CAMTA2: variants seen among roughly 807,000 people sequenced by gnomAD.
CAMTA2 encodes calmodulin binding transcription activator 2.
In CAMTA2, 56 loss-of-function variants were observed where a neutral mutation model predicts 135.7. The ratio of observed to expected loss-of-function variants is 0.41; its 90% confidence interval spans 0.33 to 0.52. The LOEUF is 0.52. Ranked by LOEUF, CAMTA2 falls within the 20% of genes least tolerant of loss-of-function variation. The pLI is 0.16. For missense variants in CAMTA2, 1,358 were observed against 1,553.4 expected (o/e 0.87, Z 2.11); for synonymous variants, 591 against 604.6 (o/e 0.98, Z 0.33).
At position 4,972,421 on chromosome 17, in the gene CAMTA2, C is replaced by T. The variant is rs986659498; in HGVS notation, c.2619G>A (p.Glu873=). The T allele has an allele frequency of 3.7e-6, 6 of 1,613,998 alleles. No homozygotes were observed. The highest frequency in any genetic ancestry group is 2.2e-5 in the East Asian group (1 of 44,884). ...SPPPAPLPAS[E]MTMEDMAPGQ... is the part of the protein sequence containing the mutation. ...CTGGGGCCATGTCCTCCATAGTCAT[C>T]TCAGAGGCTGGCAGAGGTGCAGGGG... is the stretch of plus-strand genomic sequence containing the variant. The change falls in exon 16 of 23, where the codon GAG becomes GAA. Residue 873 remains glutamate (E), a synonymous_variant. Coordinates refer to ENST00000348066, the MANE Select transcript of CAMTA2 (RefSeq NM_015099.4).
At position 4,980,930 on chromosome 17, in the gene CAMTA2, G is replaced by A. The variant is rs1482452162; in HGVS notation, c.700+295C>T. ...AGGACAAAAGAACAGAACCAAGGGG[G>A]TGCCAACTAGGAGGAAGGCTAAGGC... On this transcript the variant is annotated intron_variant, in intron 8 of 22. Coordinates refer to ENST00000348066, the MANE Select transcript of CAMTA2 (RefSeq NM_015099.4). This position sits in a 1 kb window ranked among gnomAD's most constrained non-coding sequence, Gnocchi z 5.3. Among the ~76,000 whole-genome samples the A allele has an allele frequency of 2.0e-5, 3 of 152,174 alleles. No individual in the cohort carries two copies. The highest frequency in any genetic ancestry group is 7.2e-5 in the African/African-American group (3 of 41,424).
rs769973720 is a variant in CAMTA2 at position 4,986,269 on chromosome 17, G to A, written c.-47C>T. On this transcript the variant is annotated 5_prime_UTR_variant, in exon 2 of 23. Coordinates refer to ENST00000348066, the MANE Select transcript of CAMTA2 (RefSeq NM_015099.4). The stretch of plus-strand genomic sequence containing the variant: ...GGTCACCCCCGGCCTGAGGGGCCGG[G>A]GGGAGGGGGAGTCTGTGCTGGGAAG... The A allele has an allele frequency of 2.7e-6, 4 of 1,478,946 alleles. No individual in the cohort carries two copies. Among genetic ancestry groups the A allele is most frequent in the African/African-American group, 1.4e-5 (1 of 71,308 alleles). The allele number at this position is 1,478,946 out of a possible 1,614,324, so 91.6% of individuals were successfully genotyped here.
rs370748581 is a variant in CAMTA2 at position 4,973,170 on chromosome 17, C to A, written c.2280+5G>T. The A allele has an allele frequency of 6.2e-7, 1 of 1,612,756 alleles. No individual in the cohort carries two copies. The highest frequency in any genetic ancestry group is 1.3e-5 in the African/African-American group (1 of 74,616). On this transcript the variant is annotated splice_donor_5th_base_variant and intron_variant, in intron 14 of 22. Coordinates refer to ENST00000348066, the MANE Select transcript of CAMTA2 (RefSeq NM_015099.4). ...CATATGCGCTCAGGAATCCGTCATC[C>A]TCACCAGAGGGGTGCAAGAGAAATG... is the stretch of plus-strand genomic sequence containing the variant.
intron 16 of CAMTA2, 32 bp from the exon 17 acceptor site, chr17:4,970,568 A>T (rs745939030): frequency 6.3e-7 from 1 of 1,588,898 alleles, no homozygotes; most frequent in East Asian, 2.2e-5. Flanking sequence ...GTGAGTCCTT[A>T]GGGGCCCCAG....
rs200135418 is a variant in CAMTA2 at position 4,973,201 on chromosome 17, C to A, written c.2254G>T (p.Val752Leu). The change falls in exon 14 of 23, where the codon GTG becomes TTG. Residue 752 changes from valine to leucine, a missense_variant. This residue lies in a region of CAMTA2 where 1,077 missense variants were observed against 1,127.5 expected (regional missense o/e 0.96). Transcript: ENST00000348066. ...DLEQEVDPLN[V>L]DHFSCTPLMW... is the part of the protein sequence containing the mutation. ...AGAGGGGTGCAAGAGAAATGATCCA[C>A]GTTGAGCGGGTCAACCTCCTGCTCT... The A allele has an allele frequency of 6.2e-7, 1 of 1,614,144 alleles. No homozygotes were observed. Among genetic ancestry groups the A allele is most frequent in the South Asian group, 1.1e-5 (1 of 91,084 alleles).
intron 1 of CAMTA2, 95 bp from the exon 2 acceptor site, chr17:4,986,381 G>C (rs1447600860): frequency 1.6e-6 from 1 of 614,900 alleles, no homozygotes; most frequent in Non-Finnish European, 2.9e-6. Flanking sequence ...CTGGGTCATA[G>C]TATCTGGGAA....
intron 5 of CAMTA2, 198 bp from the exon 6 acceptor site, chr17:4,982,358 A>C (rs1973009248): frequency 1.7e-6 from 1 of 600,882 alleles, no homozygotes; most frequent in African/African-American, 1.9e-5. Flanking sequence ...CTGGGGCCTT[A>C]TAGTGAGGAC....
Position 4,979,915 on chromosome 17 carries a change from G to A in CAMTA2, c.1407C>T (p.Pro469=). Residue 469 remains proline (P), a synonymous_variant, in exon 9 of 23, where the codon CCC becomes CCT. Transcript: ENST00000348066. The stretch of plus-strand genomic sequence containing the variant: ...GCTCCAAGGGGGCAGGTGAGGGTGG[G>A]GGTGAGGGAGGGGGTGAAGGTATGG... The part of the protein sequence containing the change: ...APPIPSPPPS[P]PPSPAPLEPS... The A allele has an allele frequency of 6.2e-7, 1 of 1,612,068 alleles. No homozygotes were observed. The highest frequency in any genetic ancestry group is 1.1e-5 in the South Asian group (1 of 91,046).
chr17:4,987,551 G>A, intron 1 of CAMTA2, 42 bp downstream of exon 1: 1 of 1,502,938 alleles, frequency 6.7e-7, no homozygotes, highest in Non-Finnish European at 8.8e-7. Flanking sequence ...TGCGCCCTCT[G>A]GCGCGGGGGC....
At chr17:4,984,259 G>A (rs998185080) in intron 3 of CAMTA2, among the ~76,000 whole-genome samples, 1 of 152,208 alleles carries the variant, frequency 6.6e-6, no homozygotes, top group Non-Finnish European at 1.5e-5. Flanking sequence ...AGGAGTTTCA[G>A]ATTCTTTAGC....
At position 4,978,871 on chromosome 17, in the gene CAMTA2, C is replaced by A. The variant is rs545080832; in HGVS notation, c.1639-241G>T. Among the ~76,000 whole-genome samples the A allele has an allele frequency of 5.3e-5, 8 of 152,272 alleles. No individual in the cohort carries two copies. In the South Asian group the frequency reaches 1.0e-3, roughly 20 times the overall value. On this transcript the variant is annotated intron_variant, in intron 9 of 22. Coordinates refer to ENST00000348066, the MANE Select transcript of CAMTA2 (RefSeq NM_015099.4). ...GCCAGTAGCTGGGAATTCAGGGCCT[C>A]CCCCAAAGCTACCACAGAGCTGTCA... is the stretch of plus-strand genomic sequence containing the variant.
chr17:4,980,092 A>C lies in CAMTA2; in HGVS notation c.1230T>G (p.Cys410Trp), dbSNP rs774571087. Residue 410 changes from cysteine to tryptophan, a missense_variant, in exon 9 of 23, where the codon TGT becomes TGG. By Grantham distance (215) the Cys-to-Trp change is radical. Around this residue, in one of 4 missense-constraint regions of CAMTA2, gnomAD observed 1,077 missense variants for 1,127.5 expected, o/e 0.96. Transcript: ENST00000348066. This position sits in a 1 kb window ranked among gnomAD's most constrained non-coding sequence, Gnocchi z 5.3. ...FPEAEAAHTPCSALEPAAALE... is the reference protein window; with the variant it reads ...FPEAEAAHTPWSALEPAAALE... ...GGGCAGCAGCAGGCTCTAGGGCAGA[A>C]CAGGGGGTATGAGCGGCCTCTGCCT... 1 of 1,613,352 alleles carries C rather than the reference A, an allele frequency of 6.2e-7. No individual in the cohort carries two copies. Among genetic ancestry groups the C allele is most frequent in the Admixed American group, 1.7e-5 (1 of 59,998 alleles).
chr17:4,986,248 A>T lies in CAMTA2; in HGVS notation c.-26T>A. On this transcript the variant is annotated 5_prime_UTR_variant, in exon 2 of 23. An upstream open reading frame in the 5' UTR loses its in-frame stop. Coordinates refer to ENST00000348066, the MANE Select transcript of CAMTA2 (RefSeq NM_015099.4). ...GGTGAGGGCTCCAGGGGGCAAGGTC[A>T]CCCCCGGCCTGAGGGGCCGGGGGGA... The T allele has an allele frequency of 6.3e-7, 1 of 1,590,542 alleles. No homozygotes were observed.
intron 15 of CAMTA2, 42 bp downstream of exon 15, chr17:4,972,727 C>T (rs754263520): frequency 5.7e-6 from 9 of 1,582,356 alleles, no homozygotes; most frequent in Non-Finnish European, 7.8e-6. Flanking sequence ...GCCTATCCTC[C>T]TACCTACATC....
chr17:4,976,091 C>T (rs1368519225), intron 11 of CAMTA2, among the ~76,000 whole-genome samples: 3 of 152,088 alleles, frequency 2.0e-5, no homozygotes, highest in Non-Finnish European at 4.4e-5. Flanking sequence ...TTGCAACTTC[C>T]GCCTCTCGGG....
chr17:4,969,620 AG>A lies in CAMTA2; in HGVS notation c.3261+9del. 6.2e-7 allele frequency: 1 copy of A among 1,614,032 alleles called. No homozygotes were observed. The highest frequency in any genetic ancestry group is 8.5e-7 in the Non-Finnish European group (1 of 1,179,962). On this transcript the variant is annotated intron_variant, in intron 19 of 22. Coordinates refer to ENST00000348066, the MANE Select transcript of CAMTA2 (RefSeq NM_015099.4). This position sits in a 1 kb window ranked among gnomAD's most constrained non-coding sequence, Gnocchi z 5.6. ...TTGCTGGTTACACTTTTGAGGGAGA[AG>A]GGTCTCACCTGCTTGTACTTCCGGT...
intron 3 of CAMTA2, among the ~76,000 whole-genome samples, chr17:4,985,580 C>T (rs920178034): frequency 6.6e-6 from 1 of 151,998 alleles, no homozygotes; most frequent in South Asian, 2.1e-4. Context: ...TACATCACCA[C>T]GCCTGGCTGC....
intron 2 of CAMTA2, 89 bp from the exon 3 acceptor site, chr17:4,986,072 G>A (rs984186871): frequency 8.7e-7 from 1 of 1,148,026 alleles, no homozygotes. Context: ...GCAATACAGA[G>A]CACTGGGGAA....
chr17:4,977,224 T>C (rs748246502), intron 10 of CAMTA2, 32 bp from the exon 11 acceptor site: 1 of 1,605,242 alleles, frequency 6.2e-7, no homozygotes, highest in Non-Finnish European at 8.5e-7. Context: ...AGAAGGGCTC[T>C]CTTTCCCTGG....
Sources: allele counts gnomAD v4.1 joint callset (sites outside exome capture counted in the v4.1 genomes callset), GRCh38; gene constraint gnomAD v4.1.1; regional missense constraint gnomAD v4.1.1; non-coding constraint Gnocchi (gnomAD v3.1); transcripts MANE v1.5; gene names NCBI Gene and HGNC (gene_info 2026-07-23, HGNC 2026-07-21).